Variants in PWWP3B observed in about 807,000 individuals in gnomAD.
The protein encoded by PWWP3B is PWWP domain containing 3B.
In PWWP3B, 5 loss-of-function variants were observed where a neutral mutation model predicts 15.7. That is an observed-to-expected ratio of 0.32 (90% CI 0.17 to 0.67). The LOEUF is 0.67. PWWP3B is among the 30% of genes least tolerant of loss of function. The pLI is 0.74. For missense variants in PWWP3B, 519 were observed against 493.1 expected (o/e 1.05, Z -0.50); for synonymous variants, 203 against 179.8 (o/e 1.13, Z -1.03).
chrX:106,195,563 T>C (rs1923328088), intron 2 of PWWP3B, among the ~76,000 whole-genome samples: 1 of 111,762 alleles, frequency 8.9e-6, no homozygotes, highest in African/African-American at 3.3e-5. Flanking sequence ...AGTTGTTCCG[T>C]ACCATTTGTT....
At chrX:106,199,336 G>A (rs147933305) in intron 2 of PWWP3B, among the ~76,000 whole-genome samples, 202 of 112,107 alleles carry the variant, frequency 1.8e-3, no homozygotes, top group African/African-American at 6.3e-3. Context: ...GATTACAGGC[G>A]TGAGCCACTG....
At position 106,175,271 on chromosome X, in the gene PWWP3B, T is replaced by C. The variant is rs868249938; in HGVS notation, c.-401+4132T>C. ...TTTTTTTTTTTTTGAGACGGAGTCT[T>C]GCTCTGTCGCCCAGGCTGGAGTGCA... On this transcript the variant is annotated intron_variant, in intron 2 of 3. Transcript: ENST00000357175. 2.9e-3 allele frequency among the ~76,000 whole-genome samples: 264 copies of C among 91,661 alleles called. 1 individual carries two copies. Among genetic ancestry groups the C allele is most frequent in the African/African-American group, 0.01 (253 of 24,587 alleles). 79.6% of individuals were successfully genotyped at this position (91,661 alleles called of 115,157 possible). A position where few individuals can be genotyped will look rare whatever the true frequency, so the allele number is the denominator to read the frequency against.
Position 106,207,510 on chromosome X carries a change from A to G in PWWP3B, c.2078A>G (p.Asn693Ser). 8.8e-7 allele frequency: 1 copy of G among 1,142,762 alleles called. No homozygotes were observed. Among genetic ancestry groups the G allele is most frequent in the Non-Finnish European group, 1.2e-6 (1 of 863,619 alleles). The allele number at this position is 1,142,762 out of a possible 1,213,427, so 94.2% of individuals were successfully genotyped here. A position where few individuals can be genotyped will look rare whatever the true frequency, so the allele number is the denominator to read the frequency against. ...IYEKRRKAPT[N>S]EAH Reference sequence around the variant, plus strand: ...GAAAAGAGACGAAAAGCACCAACAAATGAAGCTCACTAAATGTGCTGAAAG... The same window carrying G: ...GAAAAGAGACGAAAAGCACCAACAAGTGAAGCTCACTAAATGTGCTGAAAG... Residue 693 changes from asparagine to serine, a missense_variant, in exon 4 of 4, where the codon AAT becomes AGT. Transcript: ENST00000357175.
Position 106,208,852 on chromosome X carries a change from A to G in PWWP3B, c.*1329A>G, listed in dbSNP as rs186961654. On this transcript the variant is annotated 3_prime_UTR_variant, in exon 4 of 4. Coordinates refer to ENST00000357175, the MANE Select transcript of PWWP3B (RefSeq NM_001171020.2). ...TGTCTGCATTTCTACCTGTTAGACA[A>G]TGGTTGCTCTTGGGCTCTTGTTATA... 946 of 123,663 alleles carry G rather than the reference A, an allele frequency of 7.6e-3. 7 individuals are homozygous for G. Among genetic ancestry groups the G allele is most frequent in the Non-Finnish European group, 6.6e-3 (350 of 53,352 alleles). The allele number at this position is 123,663 out of a possible 1,213,427, so 10.2% of individuals were successfully genotyped here. A position where few individuals can be genotyped will look rare whatever the true frequency, so the allele number is the denominator to read the frequency against.
intron 2 of PWWP3B, among the ~76,000 whole-genome samples, chrX:106,201,339 A>G (rs991603440): frequency 8.9e-6 from 1 of 112,397 alleles, no homozygotes; most frequent in Non-Finnish European, 1.9e-5. Flanking sequence ...ATCCAAATCA[A>G]TATCCTTAGC....
At chrX:106,182,058 G>A (rs1048858152) in intron 2 of PWWP3B, among the ~76,000 whole-genome samples, 3 of 111,597 alleles carry the variant, frequency 2.7e-5, no homozygotes, top group African/African-American at 9.8e-5. Context: ...TGACTGGTCA[G>A]TGTAAAAACA....
Position 106,206,346 on chromosome X carries a change from G to C in PWWP3B, c.914G>C (p.Gly305Ala), listed in dbSNP as rs1479280366. Residue 305 changes from glycine to alanine, a missense_variant, in exon 4 of 4, where the codon GGG (glycine) becomes GCG (alanine). Coordinates refer to ENST00000357175, the MANE Select transcript of PWWP3B (RefSeq NM_001171020.2). Reference protein sequence around the residue: ...QNQPSMESEMGAAACPGSCSR... With the variant: ...QNQPSMESEMAAAACPGSCSR... Reference sequence around the variant, plus strand: ...CAACCTTCCATGGAATCAGAGATGGGGGCTGCAGCATGCCCTGGGAGTTGT... The same window carrying C: ...CAACCTTCCATGGAATCAGAGATGGCGGCTGCAGCATGCCCTGGGAGTTGT... 1 of 1,201,753 alleles carries C rather than the reference G, an allele frequency of 8.3e-7. No homozygotes were observed. The highest frequency in any genetic ancestry group is 1.1e-6 in the Non-Finnish European group (1 of 890,790).
chrX:106,189,590 T>C (rs1482249027), intron 2 of PWWP3B, among the ~76,000 whole-genome samples: 1 of 109,860 alleles, frequency 9.1e-6, no homozygotes, highest in Non-Finnish European at 1.9e-5. Flanking sequence ...TAGTATTCCA[T>C]GGTGTATATG....
intron 2 of PWWP3B, among the ~76,000 whole-genome samples, chrX:106,186,628 A>G (rs1156319850): frequency 9.0e-6 from 1 of 110,871 alleles, no homozygotes; most frequent in Admixed American, 9.6e-5. Context: ...GAATGAAGCC[A>G]CGGGCCTTCA....
rs1328047318 is a variant in PWWP3B, at chrX:106,204,075, C to T, written c.-310C>T. 8.9e-6 allele frequency: 1 copy of T among 111,745 alleles called. No homozygotes were observed. Among genetic ancestry groups the T allele is most frequent in the Non-Finnish European group, 1.9e-5 (1 of 53,228 alleles). 9.2% of individuals were successfully genotyped at this position (111,745 alleles called of 1,213,427 possible). On this transcript the variant is annotated 5_prime_UTR_variant, in exon 3 of 4. Transcript: ENST00000357175. ...AAAGACAGTGCAACCACAGAAGTGCCGAGCTGGGTAAAGGCCCTGCTGGAC... is the reference window on the plus strand; with the variant it reads ...AAAGACAGTGCAACCACAGAAGTGCTGAGCTGGGTAAAGGCCCTGCTGGAC...
intron 2 of PWWP3B, among the ~76,000 whole-genome samples, chrX:106,197,415 G>A (rs1271356642): frequency 9.0e-6 from 1 of 111,658 alleles, no homozygotes; most frequent in Non-Finnish European, 1.9e-5. Flanking sequence ...CCTGGGTTCA[G>A]GAGAGGGTTT....
At chrX:106,170,108 G>A (rs1921536068) in intron 1 of PWWP3B, among the ~76,000 whole-genome samples, 1 of 111,664 alleles carries the variant, frequency 9.0e-6, no homozygotes, top group East Asian at 2.8e-4. Context: ...TTTTCATCAT[G>A]AGAAAAACAT....
chrX:106,177,312 G>A (rs1215677728), intron 2 of PWWP3B: 1 of 112,833 alleles, frequency 8.9e-6, no homozygotes, highest in Admixed American at 9.4e-5. Flanking sequence ...GCCAGTATTG[G>A]GGGAGGGGCA....
At chrX:106,198,485 C>T (rs1453880835) in intron 2 of PWWP3B, among the ~76,000 whole-genome samples, 2 of 111,298 alleles carry the variant, frequency 1.8e-5, no homozygotes, top group African/African-American at 6.5e-5. Flanking sequence ...GGTTATGGCC[C>T]TCTCTTCCAG....
At chrX:106,195,518 AG>A (rs1045233533) in intron 2 of PWWP3B, among the ~76,000 whole-genome samples, 2 of 111,460 alleles carry the variant, frequency 1.8e-5, no homozygotes, top group African/African-American at 6.5e-5. Flanking sequence ...TTCTTAGCTG[AG>A]GGGTCAAGAA....
At chrX:106,190,834 T>C (rs1385210298) in intron 2 of PWWP3B, among the ~76,000 whole-genome samples, 1 of 111,529 alleles carries the variant, frequency 9.0e-6, no homozygotes, top group Admixed American at 9.5e-5. Context: ...TTCTCAGGTT[T>C]GTCAAAGATC....
At chrX:106,191,025 C>T (rs1466848951) in intron 2 of PWWP3B, among the ~76,000 whole-genome samples, 12 of 109,856 alleles carry the variant, frequency 1.1e-4, no homozygotes, top group African/African-American at 4.0e-4. Context: ...CTTGGCGATG[C>T]GGGCTCTTTT....
intron 2 of PWWP3B, among the ~76,000 whole-genome samples, chrX:106,202,363 C>T (rs1275591310): frequency 8.9e-6 from 1 of 111,984 alleles, no homozygotes; most frequent in East Asian, 2.8e-4. Flanking sequence ...ACTATTTCAG[C>T]ATCTTTAGAG....
At chrX:106,199,463 T>C (rs1355116631) in intron 2 of PWWP3B, among the ~76,000 whole-genome samples, 2 of 111,693 alleles carry the variant, frequency 1.8e-5, no homozygotes, top group African/African-American at 6.5e-5. Flanking sequence ...TCCACTAACT[T>C]AAAGAGATTG....
Sources: allele counts gnomAD v4.1 joint callset (sites outside exome capture counted in the v4.1 genomes callset), GRCh38; gene constraint gnomAD v4.1.1; transcripts MANE v1.5; gene names NCBI Gene and HGNC (gene_info 2026-07-23, HGNC 2026-07-21).